Variants in CCDC93 observed in about 807,000 individuals in gnomAD.
CCDC93 encodes the protein coiled-coil domain-containing protein 93.
CCDC93 carries 61 observed loss-of-function variants against 108.2 expected under a neutral mutation model. That is an observed-to-expected ratio of 0.56 (90% CI 0.46 to 0.70). CCDC93 has a LOEUF of 0.70. Among genes scored for constraint, CCDC93 ranks in the 30% least tolerant of loss-of-function variants. The pLI, the probability that CCDC93 is intolerant of heterozygous loss-of-function variation, is 0.00. For missense variants in CCDC93, 685 were observed against 764.2 expected (o/e 0.90, Z 1.22); for synonymous variants, 276 against 260.4 (o/e 1.06, Z -0.58).
intron 23 of CCDC93, among the ~76,000 whole-genome samples, chr2:117,927,276 C>T (rs1187348584): frequency 1.3e-5 from 2 of 152,004 alleles, no homozygotes; most frequent in Non-Finnish European, 2.9e-5. Flanking sequence ...TCAGGGCAAT[C>T]AAGCAGGAGA....
At chr2:117,982,769 C>T (rs951995776) in intron 7 of CCDC93, among the ~76,000 whole-genome samples, 5 of 144,010 alleles carry the variant, frequency 3.5e-5, no homozygotes, top group African/African-American at 1.0e-4. Flanking sequence ...GGGGGGGGTG[C>T]GTGAGGAAGT....
At chr2:117,996,393 C>T (rs1313636637) in intron 4 of CCDC93, 31 bp from the exon 5 acceptor site, 3 of 1,486,450 alleles carry the variant, frequency 2.0e-6, no homozygotes, top group East Asian at 2.3e-5. Context: ...ACAAGAGTTG[C>T]TAAGGACAAC....
At chr2:117,945,471 G>T in intron 17 of CCDC93, 58 bp downstream of exon 17, 1 of 1,438,214 alleles carries the variant, frequency 7.0e-7, no homozygotes. Context: ...CAGGAGAGTG[G>T]AAAGCTGGCC....
At chr2:117,929,906 C>T (rs1019661876) in intron 23 of CCDC93, among the ~76,000 whole-genome samples, 2 of 152,198 alleles carry the variant, frequency 1.3e-5, no homozygotes, top group Non-Finnish European at 2.9e-5. Context: ...CCTCACATGG[C>T]AAAGTCTGGA....
At chr2:118,008,439 A>G (rs1244735844) in intron 2 of CCDC93, 106 bp downstream of exon 2, 13 of 694,680 alleles carry the variant, frequency 1.9e-5, no homozygotes, top group Non-Finnish European at 3.0e-5. Context: ...ATGGAAACAC[A>G]GACATGGAAG....
At chr2:117,934,079 T>TGA (rs1176126948) in intron 22 of CCDC93, 1 of 152,166 alleles carries the variant, frequency 6.6e-6, no homozygotes, top group Admixed American at 6.5e-5. Context: ...AGTGAAGGGG[T>TGA]GAGGCCCACT....
intron 23 of CCDC93, among the ~76,000 whole-genome samples, chr2:117,924,495 T>C (rs1678005687): frequency 6.6e-6 from 1 of 152,160 alleles, no homozygotes; most frequent in Non-Finnish European, 1.5e-5. Context: ...CAAGCCTCAG[T>C]AGCCGATTTG....
In CCDC93 at chr2:117,973,076, TG is replaced by T. The variant is rs1679815824; in HGVS notation, c.888+831del. ...ATTTAAAACTGTTTCCCAAAAGTCT[TG>T]GGGGTGTTATAGCTGATAACGCCTC... On this transcript the variant is annotated intron_variant, in intron 11 of 23. Coordinates refer to ENST00000376300, the MANE Select transcript of CCDC93 (RefSeq NM_019044.5). Among the ~76,000 whole-genome samples the T allele has an allele frequency of 3.3e-5, 5 of 152,234 alleles. No individual in the cohort carries two copies. The South Asian group carries it at 1.0e-3, about 32-fold the overall frequency.
intron 15 of CCDC93, 199 bp downstream of exon 15, chr2:117,947,906 G>A (rs1678924997): frequency 1.9e-6 from 1 of 517,142 alleles, no homozygotes; most frequent in Non-Finnish European, 3.5e-6. Flanking sequence ...GTGTTAGCCA[G>A]GATGGTCTCG....
chr2:117,989,479 C>T (rs898597717), intron 6 of CCDC93, among the ~76,000 whole-genome samples: 2 of 152,198 alleles, frequency 1.3e-5, no homozygotes, highest in African/African-American at 4.8e-5. Flanking sequence ...GCAGTCAGGT[C>T]GTTCTTCTTG....
At chr2:117,929,441 C>T (rs1478900873) in intron 23 of CCDC93, among the ~76,000 whole-genome samples, 1 of 152,146 alleles carries the variant, frequency 6.6e-6, no homozygotes, top group Middle Eastern at 3.2e-3. Context: ...AGACCCAAGC[C>T]ACTTAACACC....
intron 12 of CCDC93, among the ~76,000 whole-genome samples, chr2:117,955,638 A>T (rs146205043): frequency 8.5e-5 from 13 of 152,268 alleles, no homozygotes; most frequent in Admixed American, 3.9e-4. Flanking sequence ...GTGTCTCAGT[A>T]TCCTTATTTG....
chr2:118,012,636 C>T (rs956186363), intron 1 of CCDC93: 1 of 152,194 alleles, frequency 6.6e-6, no homozygotes, highest in Non-Finnish European at 1.5e-5. Context: ...AAAAAGAAAA[C>T]TTCAAATGTC....
chr2:117,968,737 C>T (rs1484557456), intron 11 of CCDC93, among the ~76,000 whole-genome samples: 1 of 152,146 alleles, frequency 6.6e-6, no homozygotes, highest in Admixed American at 6.5e-5. Context: ...ATTCCCTGGT[C>T]ACAAAATCAT....
intron 11 of CCDC93, among the ~76,000 whole-genome samples, chr2:117,972,546 CA>C (rs1355128174): frequency 2.6e-5 from 4 of 151,798 alleles, no homozygotes; most frequent in Admixed American, 6.6e-5. Flanking sequence ...TTTCCTCTTA[CA>C]ATCATCAGAG....
At chr2:117,964,502 A>C (rs1386649652) in intron 11 of CCDC93, among the ~76,000 whole-genome samples, 1 of 152,144 alleles carries the variant, frequency 6.6e-6, no homozygotes. Flanking sequence ...GTCCTGGGAG[A>C]CAAGCAAAGA....
chr2:118,007,486 G>A lies in CCDC93; in HGVS notation c.157-670C>T, dbSNP rs932779906. ...GGAGTTTGAGACCAGCCTGGCCAAC[G>A]CAGTGAAACCCCTCTCTACTAAAGA... On this transcript the variant is annotated intron_variant, in intron 2 of 23. Transcript: ENST00000376300. 3.3e-5 allele frequency among the ~76,000 whole-genome samples: 5 copies of A among 152,118 alleles called. No homozygotes were observed. In the East Asian group the frequency reaches 5.8e-4, roughly 18 times the overall value.
intron 23 of CCDC93, 103 bp downstream of exon 23, chr2:117,930,934 C>T (rs983352263): frequency 4.4e-6 from 3 of 687,638 alleles, no homozygotes; most frequent in Middle Eastern, 2.6e-4. Flanking sequence ...TTTCCCTTCA[C>T]AGACCAGAGG....
At chr2:117,995,380 G>C in intron 6 of CCDC93, 66 bp downstream of exon 6, 1 of 1,237,344 alleles carries the variant, frequency 8.1e-7, no homozygotes, top group Non-Finnish European at 1.2e-6. Context: ...GCGCTTTTGT[G>C]ATTTAACAAA....
Sources: allele counts gnomAD v4.1 joint callset (sites outside exome capture counted in the v4.1 genomes callset), GRCh38; gene constraint gnomAD v4.1.1; transcripts MANE v1.5; gene names NCBI Gene and HGNC (gene_info 2026-07-23, HGNC 2026-07-21).